LPGAT1: variants seen among roughly 807,000 people sequenced by gnomAD.
LPGAT1 encodes the protein lysophosphatidylglycerol acyltransferase 1.
In LPGAT1, 11 loss-of-function variants were observed where a neutral mutation model predicts 47.5. The ratio of observed to expected loss-of-function variants is 0.23; its 90% CI spans 0.15 to 0.38. The LOEUF is 0.38. Among genes scored for constraint, LPGAT1 ranks in the 10% least tolerant of loss-of-function variants. The pLI, the probability that LPGAT1 is intolerant of heterozygous loss-of-function variation, is 1.00. For synonymous variants in LPGAT1, 138 were observed against 144.2 expected, an observed-to-expected ratio of 0.96 and a Z score of 0.31; for missense variants, 293 against 439.0, an observed-to-expected ratio of 0.67 and a Z score of 2.97.
rs962147273 is a variant in LPGAT1 at position 211,830,693 on chromosome 1, C to T, written c.-148G>A. 2.4e-5 allele frequency: 29 copies of T among 1,186,630 alleles called. No individual in the cohort carries two copies. Among genetic ancestry groups the T allele is most frequent in the Non-Finnish European group, 2.7e-5 (26 of 961,356 alleles). The allele number at this position is 1,186,630 out of a possible 1,614,324, so 73.5% of individuals were successfully genotyped here. A position where few individuals can be genotyped will look rare whatever the true frequency, so the allele number is the denominator to read the frequency against. ...GGGCCCTGCCCCGCTCCGGCTGTGG[C>T]GCGGCCCGCGCCCGTTCCCCGGCGG... On this transcript the variant is annotated 5_prime_UTR_variant, in exon 1 of 8. Transcript: ENST00000366997. This position sits in a 1 kb window ranked among gnomAD's most constrained non-coding sequence, Gnocchi z 5.9.
chr1:211,799,002 C>G (rs1031421869), intron 2 of LPGAT1, among the ~76,000 whole-genome samples: 3 of 152,178 alleles, frequency 2.0e-5, no homozygotes, highest in Non-Finnish European at 4.4e-5. Flanking sequence ...CCATAACATT[C>G]TAGTCAAGCT....
At chr1:211,809,658 GT>G (rs1305014481) in intron 2 of LPGAT1, among the ~76,000 whole-genome samples, 1 of 152,108 alleles carries the variant, frequency 6.6e-6, no homozygotes, top group East Asian at 1.9e-4. Flanking sequence ...AGATCCAATG[GT>G]TTTATAAAGA....
chr1:211,778,752 G>C (rs567170109), intron 6 of LPGAT1, among the ~76,000 whole-genome samples, 166 bp downstream of exon 6: 1 of 152,270 alleles, frequency 6.6e-6, no homozygotes, highest in East Asian at 1.9e-4. Context: ...TTATAACTGA[G>C]CGAAATACCT....
intron 2 of LPGAT1, among the ~76,000 whole-genome samples, chr1:211,800,525 T>G (rs961492262): frequency 6.6e-6 from 1 of 152,204 alleles, no homozygotes; most frequent in Non-Finnish European, 1.5e-5. Flanking sequence ...AGATAATAAC[T>G]GGGAATTAAC....
At chr1:211,795,371 G>T (rs914788314) in intron 2 of LPGAT1, among the ~76,000 whole-genome samples, 15 of 151,938 alleles carry the variant, frequency 9.9e-5, no homozygotes, top group East Asian at 1.9e-4. Flanking sequence ...TGTTTGTTTG[G>T]TTTTTTTGTT....
At chr1:211,755,076 G>A (rs1172243543) in intron 6 of LPGAT1, among the ~76,000 whole-genome samples, 1 of 140,914 alleles carries the variant, frequency 7.1e-6, no homozygotes. Context: ...GGTGGCTCAC[G>A]CCTATAATCC....
chr1:211,768,301 A>C (rs537595969), intron 6 of LPGAT1, among the ~76,000 whole-genome samples: 2 of 152,366 alleles, frequency 1.3e-5, no homozygotes, highest in African/African-American at 4.8e-5. Flanking sequence ...TTAAACCAAA[A>C]TCCTAAATTC....
At chr1:211,780,258 A>G (rs1658581870) in intron 5 of LPGAT1, among the ~76,000 whole-genome samples, 1 of 152,232 alleles carries the variant, frequency 6.6e-6, no homozygotes, top group Admixed American at 6.5e-5. Context: ...AGTTATATAC[A>G]CAGAAAGCAA....
At chr1:211,819,077 T>C in intron 2 of LPGAT1, among the ~76,000 whole-genome samples, 1 of 152,244 alleles carries the variant, frequency 6.6e-6, no homozygotes, top group East Asian at 1.9e-4. Context: ...TCTTGTGTTG[T>C]ACTTTTTGGT....
chr1:211,789,412 C>G lies in LPGAT1; in HGVS notation c.358-1685G>C, dbSNP rs906598746. On this transcript the variant is annotated intron_variant, in intron 3 of 7. Coordinates refer to ENST00000366997, the MANE Select transcript of LPGAT1 (RefSeq NM_014873.3). ...TAAAACATAAATTCAGTAAAGATAC[C>G]CAAACTATTTCCTGAGATTTGTAAG... 5.9e-5 allele frequency among the ~76,000 whole-genome samples: 9 copies of G among 152,026 alleles called. No homozygotes were observed. The East Asian group carries it at 1.7e-3, about 29-fold the overall frequency.
chr1:211,815,337 G>C (rs530070111), intron 2 of LPGAT1, among the ~76,000 whole-genome samples: 1 of 152,074 alleles, frequency 6.6e-6, no homozygotes, highest in African/African-American at 2.4e-5. Flanking sequence ...GGGCATCCCT[G>C]TCACCTCTCT....
intron 2 of LPGAT1, among the ~76,000 whole-genome samples, chr1:211,800,221 G>C (rs1356034709): frequency 6.8e-6 from 1 of 146,086 alleles, no homozygotes; most frequent in Non-Finnish European, 1.5e-5. Context: ...TATTTTAGTA[G>C]AGATAGGGTT....
chr1:211,793,217 T>C, intron 2 of LPGAT1, 27 bp from the exon 3 acceptor site: 2 of 1,486,706 alleles, frequency 1.3e-6, no homozygotes, highest in Admixed American at 1.8e-5. Context: ...GTTTCAAAGC[T>C]GTCATTTTAA....
In LPGAT1 at chr1:211,750,053, A is replaced by G; in HGVS notation, c.962-3T>C. ...GCCCTTGGAAGGTGGAAAAGCTCCT[A>G]AAAGACAAGATAGAAATATTAGTTT... On this transcript the variant is annotated splice_polypyrimidine_tract_variant and splice_region_variant and intron_variant, in intron 7 of 7. Coordinates refer to ENST00000366997, the MANE Select transcript of LPGAT1 (RefSeq NM_014873.3). 1 of 1,610,360 alleles carries G rather than the reference A, an allele frequency of 6.2e-7. No individual in the cohort carries two copies. Among genetic ancestry groups the G allele is most frequent in the African/African-American group, 1.3e-5 (1 of 74,726 alleles).
chr1:211,750,862 T>C, intron 7 of LPGAT1, 99 bp downstream of exon 7: 2 of 838,888 alleles, frequency 2.4e-6, no homozygotes, highest in South Asian at 3.4e-5. Flanking sequence ...ACAGAGTGCA[T>C]TTTCAAGTTT....
chr1:211,754,529 A>C (rs931858723), intron 6 of LPGAT1, among the ~76,000 whole-genome samples: 1 of 151,518 alleles, frequency 6.6e-6, no homozygotes, highest in African/African-American at 2.4e-5. Context: ...GGAAGTAAAC[A>C]TAAGTCCAAT....
At position 211,820,818 on chromosome 1, in the gene LPGAT1, GAA is replaced by G. The variant is rs552785093; in HGVS notation, c.238+8239_238+8240del. On this transcript the variant is annotated intron_variant, in intron 2 of 7. Coordinates refer to ENST00000366997, the MANE Select transcript of LPGAT1 (RefSeq NM_014873.3). The stretch of plus-strand genomic sequence containing the variant: ...TGATTAAAGAAAACTTTCCTGAAAT[GAA>G]AATACGTTTGAATCTAAATATTAAA... Among the ~76,000 whole-genome samples the G allele has an allele frequency of 2.0e-3, 299 of 152,186 alleles. 1 individual carries two copies. The highest frequency in any genetic ancestry group is 7.0e-3 in the African/African-American group (290 of 41,550).
intron 6 of LPGAT1, among the ~76,000 whole-genome samples, chr1:211,774,450 T>C (rs949420105): frequency 1.3e-5 from 2 of 152,092 alleles, no homozygotes; most frequent in African/African-American, 4.8e-5. Context: ...CATTTGCATC[T>C]CACAACAATG....
chr1:211,769,916 G>A (rs1265466639), intron 6 of LPGAT1, among the ~76,000 whole-genome samples: 2 of 152,100 alleles, frequency 1.3e-5, no homozygotes, highest in African/African-American at 4.8e-5. Context: ...TGGGAATGCA[G>A]CCCAGTAGGT....
Sources: allele counts gnomAD v4.1 joint callset (sites outside exome capture counted in the v4.1 genomes callset), GRCh38; gene constraint gnomAD v4.1.1; non-coding constraint Gnocchi (gnomAD v3.1); transcripts MANE v1.5; gene names NCBI Gene and HGNC (gene_info 2026-07-23, HGNC 2026-07-21).